Variants in MADD observed in about 807,000 individuals in gnomAD.
MADD encodes the protein MAP kinase activating death domain.
MADD carries 109 observed loss-of-function variants against 176.7 expected under a neutral mutation model. The ratio of observed to expected loss-of-function variants is 0.62; its 90% CI spans 0.53 to 0.72. The LOEUF (loss-of-function observed/expected upper bound fraction) is 0.72. Ranked by LOEUF, MADD falls within the 30% of genes least tolerant of loss-of-function variation. The pLI is 0.00. For synonymous variants in MADD, 771 were observed against 771.3 expected, an observed-to-expected ratio of 1.00 and a Z score of 0.01; for missense variants, 1,914 against 2,045.5, an observed-to-expected ratio of 0.94 and a Z score of 1.24.
chr11:47,326,733 T>C lies in MADD; in HGVS notation c.4543-5T>C, dbSNP rs369636697. On this transcript the variant is annotated splice_polypyrimidine_tract_variant and splice_region_variant and intron_variant, in intron 30 of 32. Transcript: ENST00000402192. ...CTTACCCCGGCCTCCCTCCCTCTCTTGCAGGTTTTCATAGAGCTGAATCAC... is the reference window on the plus strand; with the variant it reads ...CTTACCCCGGCCTCCCTCCCTCTCTCGCAGGTTTTCATAGAGCTGAATCAC... 12 of 1,613,916 alleles carry C rather than the reference T, an allele frequency of 7.4e-6. 1 individual carries two copies. In the African/African-American group the frequency reaches 9.3e-5, roughly 13 times the overall value.
At chr11:47,275,011 A>G in exon 3 of MADD, 2 of 1,614,222 alleles carry the variant, frequency 1.2e-6, no homozygotes, top group African/African-American at 1.3e-5. Flanking sequence ...CCGCTCCCGC[A>G]ACAGTACTCT....
chr11:47,328,625 T>G (rs144394954), intron 31 of MADD, 33 bp from the exon 36 acceptor site: 1 of 1,614,112 alleles, frequency 6.2e-7, no homozygotes, highest in Non-Finnish European at 8.5e-7. Context: ...AGTGTTGAAC[T>G]TTCTGTTTTG....
chr11:47,309,681 A>G, intron 25 of MADD, 69 bp downstream of exon 28: 1 of 1,228,966 alleles, frequency 8.1e-7, no homozygotes, highest in Non-Finnish European at 1.2e-6. Context: ...TGTCGCCTAA[A>G]TTTCGGGGTA....
chr11:47,296,344 A>G (rs1474754521), intron 22 of MADD, among the ~76,000 whole-genome samples: 1 of 152,226 alleles, frequency 6.6e-6, no homozygotes, highest in Non-Finnish European at 1.5e-5. Flanking sequence ...CAGGTTTAAC[A>G]CAGGCAAAGT....
chr11:47,278,839 T>C (rs182917473), intron 6 of MADD, among the ~76,000 whole-genome samples, 160 bp from the exon 7 acceptor site: 64 of 152,370 alleles, frequency 4.2e-4, no homozygotes, highest in Middle Eastern at 3.4e-3. Context: ...TGCATATGTA[T>C]GTCATATATG....
At chr11:47,308,664 T>G (rs1463583897) in exon 23 of MADD, 7 of 1,613,936 alleles carry the variant, frequency 4.3e-6, no homozygotes, top group Middle Eastern at 1.6e-4. Flanking sequence ...TCTGAAGATG[T>G]GAGCCAGCGA....
chr11:47,299,774 C>T (rs1457728972), intron 22 of MADD, among the ~76,000 whole-genome samples: 1 of 151,958 alleles, frequency 6.6e-6, no homozygotes. Flanking sequence ...AAGCAGTCCA[C>T]CCGCCTTGGC....
chr11:47,282,772 T>C (rs76622963), intron 9 of MADD, 41 bp from the exon 10 acceptor site: 3 of 1,605,006 alleles, frequency 1.9e-6, no homozygotes, highest in East Asian at 2.2e-5. Context: ...TGCCTTTTTT[T>C]CCTTGCTGCT....
chr11:47,284,941 G>A (rs1161687529), exon 13 of MADD: 4 of 1,613,494 alleles, frequency 2.5e-6, no homozygotes, highest in Non-Finnish European at 3.4e-6. Context: ...CGGCCTTTAG[G>A]AACCTGCTGA....
intron 5 of MADD, among the ~76,000 whole-genome samples, chr11:47,277,809 A>C (rs2051825997): frequency 6.6e-6 from 1 of 152,214 alleles, no homozygotes; most frequent in Non-Finnish European, 1.5e-5. Context: ...ATGAGATTTC[A>C]TCATGCTTCT....
Position 47,289,442 on chromosome 11 carries a change from CAA to C in MADD, c.2706_2707del (p.Thr903SerfsTer16). On this transcript the variant is annotated frameshift_variant, in exon 16 of 33. Transcript: ENST00000402192. LOFTEE classifies it high-confidence loss of function. Reference sequence around the variant, plus strand: ...AAGTCATCTGTCATTAAACACAGCCCAACAGTGAAAAGAGAACCTCCATCACC... The same window carrying C: ...AAGTCATCTGTCATTAAACACAGCCCCAGTGAAAAGAGAACCTCCATCACC... The C allele has an allele frequency of 6.2e-7, 1 of 1,614,116 alleles. No homozygotes were observed. Among genetic ancestry groups the C allele is most frequent in the Non-Finnish European group, 8.5e-7 (1 of 1,180,014 alleles).
intron 25 of MADD, 33 bp from the exon 29 acceptor site, chr11:47,311,699 T>C (rs1042116282): frequency 7.6e-7 from 1 of 1,314,636 alleles, no homozygotes; most frequent in African/African-American, 1.4e-5. Flanking sequence ...GGAGAGCAGA[T>C]CCCTTGTTAA....
At chr11:47,296,624 CTG>C (rs2072232668) in intron 22 of MADD, among the ~76,000 whole-genome samples, 1 of 152,108 alleles carries the variant, frequency 6.6e-6, no homozygotes, top group Non-Finnish European at 1.5e-5. Context: ...CACTATATTG[CTG>C]TGAGTAGTCT....
chr11:47,298,404 C>T (rs546287093), intron 22 of MADD, among the ~76,000 whole-genome samples: 6 of 152,304 alleles, frequency 3.9e-5, no homozygotes, highest in African/African-American at 1.2e-4. Context: ...CAGTGAGAAC[C>T]GTCTACAGCA....
exon 25 of MADD, chr11:47,309,526 C>T: frequency 3.1e-6 from 5 of 1,614,184 alleles, no homozygotes; most frequent in Non-Finnish European, 3.4e-6. Flanking sequence ...CCTTGGAGAA[C>T]ATGACCGGAA....
At chr11:47,281,791 A>G in intron 8 of MADD, 38 bp downstream of exon 8, 1 of 1,497,002 alleles carries the variant, frequency 6.7e-7, no homozygotes. Flanking sequence ...AAGTTCTTAA[A>G]TTAATTTCTT....
At chr11:47,278,918 T>A (rs2053423367) in intron 6 of MADD, 81 bp from the exon 7 acceptor site, 1 of 1,134,868 alleles carries the variant, frequency 8.8e-7, no homozygotes, top group Non-Finnish European at 1.3e-6. Flanking sequence ...TGTATATACG[T>A]CCTCTTATTT....
chr11:47,306,558 A>C (rs1178215934), intron 22 of MADD, among the ~76,000 whole-genome samples: 1 of 151,996 alleles, frequency 6.6e-6, no homozygotes, highest in East Asian at 1.9e-4. Context: ...TGCTGGTGGC[A>C]GTTTCTAGAA....
chr11:47,289,790 C>A, intron 16 of MADD, 77 bp from the exon 18 acceptor site: 3 of 1,510,386 alleles, frequency 2.0e-6, no homozygotes, highest in Non-Finnish European at 2.7e-6. Context: ...TGGAGGCAGA[C>A]ATCTAGTCTG....
Sources: gnomAD v4.1 joint callset for allele counts (sites outside exome capture counted in the v4.1 genomes callset) on GRCh38, gnomAD v4.1.1 for gene constraint, MANE v1.5 for transcripts, NCBI Gene and HGNC (gene_info 2026-07-23, HGNC 2026-07-21) for gene names.